BIN1: variants seen among roughly 807,000 people sequenced by gnomAD.
BIN1 encodes the protein bridging integrator 1, also known as myc box-dependent-interacting protein 1.
A neutral mutation model predicts 82.0 loss-of-function variants in BIN1; 53 were observed. That is an observed-to-expected ratio of 0.65 (90% CI 0.52 to 0.81). The LOEUF (loss-of-function observed/expected upper bound fraction) is 0.81. Ranked by LOEUF, BIN1 falls within the 40% of genes least tolerant of loss-of-function variation. The pLI, the probability that BIN1 is intolerant of heterozygous loss-of-function variation, is 0.00. For missense variants in BIN1, 642 were observed against 784.4 expected (o/e 0.82, Z 2.17); for synonymous variants, 302 against 328.0 (o/e 0.92, Z 0.86).
chr2:127,106,687 C>T (rs1364462179), intron 1 of BIN1, among the ~76,000 whole-genome samples, 173 bp downstream of exon 1: 1 of 152,186 alleles, frequency 6.6e-6, no homozygotes. Flanking sequence ...GCACCCAGAG[C>T]GCCGGGGAAC....
chr2:127,099,697 A>G (rs1170322331), intron 1 of BIN1, among the ~76,000 whole-genome samples: 2 of 151,876 alleles, frequency 1.3e-5, no homozygotes, highest in East Asian at 3.9e-4. Context: ...TATTTTTAGT[A>G]GAGACGGGGG....
In BIN1 at chr2:127,093,327, T is replaced by C; in HGVS notation, c.84+13533A>G. Among the ~76,000 whole-genome samples, 1 of 152,148 alleles carries C rather than the reference T, an allele frequency of 6.6e-6. No homozygotes were observed. ...TCTCCCCTCTTTTTCCCTGCCCAGG[T>C]GAGTCATCAAAACTGGAATTTTTCT... On this transcript the variant is annotated intron_variant, in intron 1 of 18. Transcript: ENST00000316724. This position sits in a 1 kb window ranked among gnomAD's most constrained non-coding sequence, Gnocchi z 5.7.
At chr2:127,048,672 G>A (rs757505000) in intron 18 of BIN1, 39 bp from the exon 19 acceptor site, 1 of 1,591,438 alleles carries the variant, frequency 6.3e-7, no homozygotes, top group South Asian at 1.1e-5. Context: ...GGATGAGCAA[G>A]GGGCTCCACC....
intron 1 of BIN1, among the ~76,000 whole-genome samples, chr2:127,103,576 G>A (rs536119385): frequency 1.3e-5 from 2 of 152,176 alleles, no homozygotes; most frequent in South Asian, 4.1e-4. Flanking sequence ...TGTGCTCACT[G>A]TCAGCCCAGC....
chr2:127,068,939 T>C lies in BIN1; in HGVS notation c.504A>G (p.Glu168=). The part of the protein sequence containing the change: ...ESLQTAKKKD[E]AKIAKPVSLL... ...CAGCCCTTACCTTGGCAATTTTGGC[T>C]TCATCCTTCTTTTTGGCAGTTTGAA... Residue 168 remains glutamate, a synonymous_variant, in exon 6 of 19, where the codon GAA becomes GAG. Coordinates refer to ENST00000316724, the MANE Select transcript of BIN1 (RefSeq NM_139343.3). The surrounding 1 kb of genome is among the most constrained non-coding windows in gnomAD (Gnocchi z 4.9). The C allele has an allele frequency of 6.2e-7, 1 of 1,614,160 alleles. No individual in the cohort carries two copies. The highest frequency in any genetic ancestry group is 8.5e-7 in the Non-Finnish European group (1 of 1,180,008).
At chr2:127,094,577 G>C (rs1679347081) in intron 1 of BIN1, among the ~76,000 whole-genome samples, 1 of 152,204 alleles carries the variant, frequency 6.6e-6, no homozygotes, top group African/African-American at 2.4e-5. Context: ...GCATGGCTCA[G>C]GCACACAGTC....
intron 1 of BIN1, among the ~76,000 whole-genome samples, chr2:127,091,032 A>T (rs907092911): frequency 6.6e-6 from 1 of 152,120 alleles, no homozygotes; most frequent in Non-Finnish European, 1.5e-5. Flanking sequence ...TTCCTTAATC[A>T]AAGTCCTCGG....
rs1685316592 is a variant in BIN1 at position 127,067,637 on chromosome 2, G to A, written c.612+526C>T. ...GAGTCACCACGGGGACCACAAGTCC[G>A]AGGAAAATGACGCAGGGGCTTCAGT... On this transcript the variant is annotated intron_variant, in intron 7 of 18. Transcript: ENST00000316724. This position sits in a 1 kb window ranked among gnomAD's most constrained non-coding sequence, Gnocchi z 4.7. Among the ~76,000 whole-genome samples the A allele has an allele frequency of 1.3e-5, 2 of 152,186 alleles. No homozygotes were observed. Among genetic ancestry groups the A allele is most frequent in the Middle Eastern group, 3.2e-3 (1 of 316 alleles).
At chr2:127,088,679 C>G (rs1678502670) in intron 1 of BIN1, among the ~76,000 whole-genome samples, 1 of 151,260 alleles carries the variant, frequency 6.6e-6, no homozygotes, top group Non-Finnish European at 1.5e-5. Context: ...TCAAAAAATG[C>G]AGTGATCCAG....
chr2:127,094,303 G>C (rs1480644547), intron 1 of BIN1, among the ~76,000 whole-genome samples: 1 of 152,202 alleles, frequency 6.6e-6, no homozygotes. Context: ...CTTATACAAA[G>C]GCTTTTATCC....
chr2:127,105,147 G>A (rs1363877699), intron 1 of BIN1, among the ~76,000 whole-genome samples: 1 of 152,174 alleles, frequency 6.6e-6, no homozygotes. Context: ...CCCCGAGAAT[G>A]ACATCAAAGA....
Position 127,051,182 on chromosome 2 carries a change from C to T in BIN1, c.1433G>A (p.Gly478Glu), listed in dbSNP as rs1682897154. The part of the protein sequence containing the change: ...TQPAAGAQEP[G>E]ETAASEAASS... Reference sequence around the variant, plus strand: ...GGCTGCTTCACTTGCCGCCGTCTCCCCTGGCTCCTGGGCTCCAGCCGCAGG... The same window carrying T: ...GGCTGCTTCACTTGCCGCCGTCTCCTCTGGCTCCTGGGCTCCAGCCGCAGG... Residue 478 changes from glycine (G) to glutamate (E), a missense_variant, in exon 16 of 19, where the codon GGG becomes GAG. By Grantham distance (98) the Gly-to-Glu change is moderately conservative. Transcript: ENST00000316724. 6.2e-7 allele frequency: 1 copy of T among 1,613,564 alleles called. No homozygotes were observed. Among genetic ancestry groups the T allele is most frequent in the Non-Finnish European group, 8.5e-7 (1 of 1,179,926 alleles).
chr2:127,080,369 C>T (rs927189758), intron 1 of BIN1, among the ~76,000 whole-genome samples: 11 of 152,300 alleles, frequency 7.2e-5, no homozygotes, highest in Non-Finnish European at 1.2e-4. Flanking sequence ...GGCCCAGCAG[C>T]GACTAAGGAA....
intron 2 of BIN1, among the ~76,000 whole-genome samples, chr2:127,075,308 T>G (rs6705877): frequency 0.18 from 27,175 of 152,130 alleles, 2,560 homozygotes; most frequent in South Asian, 0.25. Flanking sequence ...TCCCTAAAGG[T>G]CCTTCAGAGC....
rs201724515 is a variant in BIN1, at chr2:127,048,517, G to A, written c.*9C>T. 1 of 1,613,182 alleles carries A rather than the reference G, an allele frequency of 6.2e-7. No individual in the cohort carries two copies. The highest frequency in any genetic ancestry group is 8.5e-7 in the Non-Finnish European group (1 of 1,179,604). ...CTTCACACGCCCGGAGGCTGCCTGG[G>A]CCCCGCCGTCATGGGACCCTCTCAG... is the stretch of plus-strand genomic sequence containing the variant. On this transcript the variant is annotated 3_prime_UTR_variant, in exon 19 of 19. Transcript: ENST00000316724.
chr2:127,052,431 G>A, intron 14 of BIN1, 69 bp from the exon 15 acceptor site: 1 of 1,398,582 alleles, frequency 7.2e-7, no homozygotes, highest in Non-Finnish European at 9.9e-7. Flanking sequence ...CAATGGGCAG[G>A]ATCACAAGAC....
At chr2:127,070,209 G>T in intron 4 of BIN1, 119 bp from the exon 5 acceptor site, 1 of 815,268 alleles carries the variant, frequency 1.2e-6, no homozygotes, top group Non-Finnish European at 2.1e-6. Context: ...GCTTCTCAGA[G>T]CCTCAGTTTC....
chr2:127,104,029 A>G (rs1401818603), intron 1 of BIN1, among the ~76,000 whole-genome samples: 1 of 152,194 alleles, frequency 6.6e-6, no homozygotes, highest in Non-Finnish European at 1.5e-5. Context: ...AGGCCATGGG[A>G]CCTTCAAGAA....
intron 12 of BIN1, chr2:127,056,607 C>T (rs1236367888): frequency 6.6e-6 from 1 of 152,314 alleles, no homozygotes; most frequent in Non-Finnish European, 1.5e-5. Flanking sequence ...GACAGCCTTC[C>T]CTACAGGCGA....
Sources: allele counts gnomAD v4.1 joint callset (sites outside exome capture counted in the v4.1 genomes callset), GRCh38; gene constraint gnomAD v4.1.1; non-coding constraint Gnocchi (gnomAD v3.1); transcripts MANE v1.5; gene names NCBI Gene and HGNC (gene_info 2026-07-23, HGNC 2026-07-21).